CRACD: variants seen among roughly 807,000 people sequenced by gnomAD.
CRACD encodes the protein capping protein inhibiting regulator of actin dynamics, also known as capping protein-inhibiting regulator of actin dynamics.
In CRACD, 56 loss-of-function variants were observed where a neutral mutation model predicts 106.8. The observed-to-expected ratio is 0.52, with a 90% CI of 0.42 to 0.66. The LOEUF is 0.66. Among genes scored for constraint, CRACD ranks in the 30% least tolerant of loss-of-function variants. The pLI is 0.00. For missense variants in CRACD, 1,730 were observed against 1,623.2 expected (o/e 1.07, Z -1.13); for synonymous variants, 754 against 670.8 (o/e 1.12, Z -1.92).
chr4:56,323,673 TAGAG>T, intron 9 of CRACD, 106 bp downstream of exon 9: 1 of 1,071,014 alleles, frequency 9.3e-7, no homozygotes, highest in Non-Finnish European at 1.3e-6. Context: ...GGAAAGTACT[TAGAG>T]AGGGCCAAGC....
intron 4 of CRACD, among the ~76,000 whole-genome samples, chr4:56,304,311 CCTTT>C (rs2109738049): frequency 1.6e-5 from 1 of 62,172 alleles, no homozygotes; most frequent in South Asian, 7.4e-4. Context: ...TGTTCTTATT[CCTTT>C]TTTTTTTTTT....
rs1256835634 is a variant in CRACD at position 56,107,098 on chromosome 4, G to C, written c.-336+57799G>C. Among the ~76,000 whole-genome samples the C allele has an allele frequency of 2.0e-5, 3 of 152,228 alleles. No homozygotes were observed. The East Asian group carries it at 5.8e-4, about 29-fold the overall frequency. ...CGATCCTCCCCCCTTTTAGCCTACTGAGTAGCTGGGACTACGGGCATGTGC... is the reference window on the plus strand; with the variant it reads ...CGATCCTCCCCCCTTTTAGCCTACTCAGTAGCTGGGACTACGGGCATGTGC... On this transcript the variant is annotated intron_variant, in intron 1 of 10. Transcript: ENST00000682029.
intron 1 of CRACD, among the ~76,000 whole-genome samples, chr4:56,088,861 G>A (rs934095180): frequency 6.6e-6 from 1 of 152,172 alleles, no homozygotes; most frequent in African/African-American, 2.4e-5. Context: ...GAGTACCTGG[G>A]ATTACAGGTA....
At chr4:56,270,439 T>C (rs1742283603) in intron 2 of CRACD, among the ~76,000 whole-genome samples, 1 of 152,222 alleles carries the variant, frequency 6.6e-6, no homozygotes, top group Non-Finnish European at 1.5e-5. Flanking sequence ...GTTTCCTCAC[T>C]GACCTCATTT....
At chr4:56,249,921 C>T (rs1382630) in intron 2 of CRACD, among the ~76,000 whole-genome samples, 62,470 of 152,028 alleles carry the variant, frequency 0.41, 13,241 homozygotes, top group Middle Eastern at 0.57. Flanking sequence ...TGTAGGCAAC[C>T]TGTGGGAGAG....
At chr4:56,098,961 G>A (rs960023683) in intron 1 of CRACD, among the ~76,000 whole-genome samples, 2 of 152,184 alleles carry the variant, frequency 1.3e-5, no homozygotes, top group Non-Finnish European at 2.9e-5. Flanking sequence ...TTACAGGTGT[G>A]AGCCATGGTG....
chr4:56,192,356 C>T (rs1737412232), intron 2 of CRACD, among the ~76,000 whole-genome samples: 1 of 151,596 alleles, frequency 6.6e-6, no homozygotes, highest in African/African-American at 2.4e-5. Context: ...CGTGCCAATG[C>T]ACTCCAGCCT....
intron 3 of CRACD, among the ~76,000 whole-genome samples, chr4:56,289,637 GCAGAATGCCTGGGCAA>G (rs1010469754): frequency 6.0e-5 from 9 of 150,416 alleles, no homozygotes; most frequent in East Asian, 2.0e-4. Flanking sequence ...GACCACTGCA[GCAGAATGCCTGGGCAA>G]CAGAATGCCT....
At chr4:56,256,748 T>A (rs771640922) in intron 2 of CRACD, among the ~76,000 whole-genome samples, 3 of 152,240 alleles carry the variant, frequency 2.0e-5, no homozygotes, top group Non-Finnish European at 4.4e-5. Context: ...ATTATCTTCT[T>A]TCTCTCAGCC....
At chr4:56,120,591 T>C (rs187032588) in intron 1 of CRACD, among the ~76,000 whole-genome samples, 42 of 152,344 alleles carry the variant, frequency 2.8e-4, no homozygotes, top group Non-Finnish European at 4.1e-4. Flanking sequence ...ATTTCCCTGC[T>C]TAAATATCTT....
At chr4:56,309,807 T>C (rs1168674077) in intron 5 of CRACD, among the ~76,000 whole-genome samples, 3 of 152,036 alleles carry the variant, frequency 2.0e-5, no homozygotes, top group Non-Finnish European at 4.4e-5. Flanking sequence ...TGAGCTGAGA[T>C]CACGGCACTG....
rs1745425177 is a variant in CRACD, at chr4:56,314,638, TGCAGGGGCCGCC to T, written c.1137_1148del (p.Gln380_Pro383del). On this transcript the variant is annotated inframe_deletion, in exon 8 of 11. Transcript: ENST00000682029. The surrounding 1 kb of genome is among the most constrained non-coding windows in gnomAD (Gnocchi z 4.4). ...GAGCTGGAACAGCAGGAGGCGGAGG[TGCAGGGGCCGCC>T]CGAGGCGTTGGAGGAGACTGGGGAG... is the stretch of plus-strand genomic sequence containing the variant. 1 of 1,538,210 alleles carries T rather than the reference TGCAGGGGCCGCC, an allele frequency of 6.5e-7. No individual in the cohort carries two copies. The highest frequency in any genetic ancestry group is 1.2e-5 in the South Asian group (1 of 83,082).
chr4:56,310,800 T>TCCC lies in CRACD; in HGVS notation c.354+66_354+67insCCC, dbSNP rs1560531341. ...CTTAACTTTCATCTTCCCCCCCCCT[T>TCCC]TTTTTTTTTTGCGACCTGCTGCCTC... On this transcript the variant is annotated intron_variant, in intron 6 of 10. Transcript: ENST00000682029. 153 of 678,222 alleles carry TCCC rather than the reference T, an allele frequency of 2.3e-4. 1 individual carries two copies. The African/African-American group carries it at 2.4e-3, about 11-fold the overall frequency. 42.0% of individuals were successfully genotyped at this position (678,222 alleles called of 1,614,324 possible).
intron 3 of CRACD, among the ~76,000 whole-genome samples, chr4:56,288,246 C>A (rs1743486106): frequency 6.6e-6 from 1 of 151,748 alleles, no homozygotes; most frequent in African/African-American, 2.4e-5. Context: ...TAAAAAATTC[C>A]ATTTTTATTT....
chr4:56,166,739 A>G (rs1392713214), intron 1 of CRACD, among the ~76,000 whole-genome samples: 1 of 151,964 alleles, frequency 6.6e-6, no homozygotes, highest in East Asian at 1.9e-4. Context: ...TAGTAGCAGC[A>G]AGGACAATTT....
intron 2 of CRACD, among the ~76,000 whole-genome samples, chr4:56,200,403 A>T (rs2109472545): frequency 6.6e-6 from 1 of 152,294 alleles, no homozygotes; most frequent in Middle Eastern, 3.4e-3. Context: ...CTCAATATTA[A>T]CACTGTTAGT....
chr4:56,309,814 A>T (rs60518408), intron 5 of CRACD, among the ~76,000 whole-genome samples: 79 of 152,244 alleles, frequency 5.2e-4, no homozygotes, highest in African/African-American at 1.9e-3. Flanking sequence ...AGATCACGGC[A>T]CTGTACTCCA....
intron 1 of CRACD, among the ~76,000 whole-genome samples, chr4:56,102,477 C>G (rs1298218062): frequency 6.6e-6 from 1 of 152,172 alleles, no homozygotes; most frequent in Admixed American, 6.5e-5. Flanking sequence ...AACCCAGGAG[C>G]CTTGACTCCC....
At chr4:56,168,962 G>C (rs1220241539) in intron 1 of CRACD, among the ~76,000 whole-genome samples, 1 of 152,078 alleles carries the variant, frequency 6.6e-6, no homozygotes, top group Non-Finnish European at 1.5e-5. Flanking sequence ...CAGTAGTTCA[G>C]CAACAAACTT....
Sources: gnomAD v4.1 joint callset for allele counts (sites outside exome capture counted in the v4.1 genomes callset) on GRCh38, gnomAD v4.1.1 for gene constraint, Gnocchi (gnomAD v3.1) non-coding constraint, MANE v1.5 for transcripts, NCBI Gene and HGNC (gene_info 2026-07-23, HGNC 2026-07-21) for gene names.